Variants in RUNX2 observed in about 807,000 individuals in gnomAD.
The protein encoded by RUNX2 is RUNX family transcription factor 2, also known as runt-related transcription factor 2.
A neutral mutation model predicts 51.7 loss-of-function variants in RUNX2; 10 were observed. The ratio of observed to expected loss-of-function variants is 0.19; its 90% CI spans 0.12 to 0.33. The LOEUF is 0.33. Among genes scored for constraint, RUNX2 ranks in the 10% least tolerant of loss-of-function variants. The probability of loss-of-function intolerance (pLI) is 1.00; values close to 1 mark genes in which losing one functional copy is unlikely to be tolerated. For synonymous variants in RUNX2, 276 were observed against 273.6 expected, an observed-to-expected ratio of 1.01 and a Z score of -0.09; for missense variants, 562 against 691.3, an observed-to-expected ratio of 0.81 and a Z score of 2.10.
chr6:45,395,512 C>T (rs1248529204), intron 2 of RUNX2, among the ~76,000 whole-genome samples: 1 of 152,038 alleles, frequency 6.6e-6, no homozygotes, highest in Non-Finnish European at 1.5e-5. Context: ...CTTCCTAAAA[C>T]ATAAGAAGAG....
chr6:45,413,893 T>A (rs1426829870), intron 2 of RUNX2, among the ~76,000 whole-genome samples: 1 of 152,140 alleles, frequency 6.6e-6, no homozygotes, highest in Non-Finnish European at 1.5e-5. Flanking sequence ...CAGGATGAGA[T>A]GAAATGATGG....
At position 45,485,695 on chromosome 6, in the gene RUNX2, GTGTATA is replaced by G. The variant is rs1342069411; in HGVS notation, c.686-6244_686-6239del. Among the ~76,000 whole-genome samples the G allele has an allele frequency of 1.9e-5, 2 of 107,094 alleles. 1 individual carries two copies. Among genetic ancestry groups the G allele is most frequent in the East Asian group, 6.2e-4 (2 of 3,206 alleles). The allele number at this position is 107,094 out of a possible 152,430, so 70.3% of individuals were successfully genotyped here. On this transcript the variant is annotated intron_variant, in intron 5 of 8. Coordinates refer to ENST00000647337, the MANE Select transcript of RUNX2 (RefSeq NM_001024630.4). The stretch of plus-strand genomic sequence containing the variant: ...TGTATGTGTGTGTGTGTGTGTGTGT[GTGTATA>G]TATATATATATATATACACATATTT...
At chr6:45,376,750 G>C (rs967015950) in intron 2 of RUNX2, among the ~76,000 whole-genome samples, 1 of 152,170 alleles carries the variant, frequency 6.6e-6, no homozygotes, top group Admixed American at 6.5e-5. Context: ...AATTCCCCAA[G>C]TTTTGTCCTT....
chr6:45,333,763 G>GA (rs1440167431), intron 2 of RUNX2, among the ~76,000 whole-genome samples: 1 of 151,180 alleles, frequency 6.6e-6, no homozygotes, highest in Admixed American at 6.6e-5. Context: ...TACATGAAGA[G>GA]AAAAAAATTG....
chr6:45,530,681 A>G (rs1330682362), intron 7 of RUNX2, among the ~76,000 whole-genome samples: 1 of 152,222 alleles, frequency 6.6e-6, no homozygotes, highest in Non-Finnish European at 1.5e-5. Context: ...AGGAGGAGGC[A>G]TCTTAGGAGG....
Position 45,547,430 on chromosome 6 carries a change from G to A in RUNX2, c.*125G>A. 1.2e-6 allele frequency: 1 copy of A among 842,038 alleles called. No individual in the cohort carries two copies. Among genetic ancestry groups the A allele is most frequent in the South Asian group, 1.4e-5 (1 of 69,292 alleles). 52.2% of individuals were successfully genotyped at this position (842,038 alleles called of 1,614,324 possible). Reference sequence around the variant, plus strand: ...CTATCTACAAAGTGCCTATTTTTTAGAAGATTTTTCATTCACTCACTCAGT... The same window carrying A: ...CTATCTACAAAGTGCCTATTTTTTAAAAGATTTTTCATTCACTCACTCAGT... On this transcript the variant is annotated 3_prime_UTR_variant, in exon 9 of 9. Coordinates refer to ENST00000647337, the MANE Select transcript of RUNX2 (RefSeq NM_001024630.4).
At chr6:45,529,561 G>A (rs1801778155) in intron 7 of RUNX2, among the ~76,000 whole-genome samples, 1 of 152,084 alleles carries the variant, frequency 6.6e-6, no homozygotes, top group South Asian at 2.1e-4. Flanking sequence ...ACAGCCCATT[G>A]AGGGAAACGG....
chr6:45,376,797 C>T (rs1466605659), intron 2 of RUNX2, among the ~76,000 whole-genome samples: 2 of 152,206 alleles, frequency 1.3e-5, no homozygotes, highest in Non-Finnish European at 2.9e-5. Context: ...AATTCCTCTT[C>T]CAGAGTCTGC....
chr6:45,339,797 A>C (rs1267148779), intron 2 of RUNX2, among the ~76,000 whole-genome samples: 1 of 152,188 alleles, frequency 6.6e-6, no homozygotes, highest in Non-Finnish European at 1.5e-5. Context: ...ATTTTGAAAA[A>C]TCAATGTAAC....
chr6:45,349,206 T>G (rs928754802), intron 2 of RUNX2, among the ~76,000 whole-genome samples: 5 of 152,196 alleles, frequency 3.3e-5, no homozygotes, highest in Admixed American at 3.3e-4. Flanking sequence ...TCAGTCTACT[T>G]CTACATATTT....
At chr6:45,390,207 AATAATGTCAATG>A (rs1797441842) in intron 2 of RUNX2, among the ~76,000 whole-genome samples, 1 of 152,082 alleles carries the variant, frequency 6.6e-6, no homozygotes, top group African/African-American at 2.4e-5. Flanking sequence ...GTAATGTGAT[AATAATGTCAATG>A]ATAATGTCAA....
intron 5 of RUNX2, among the ~76,000 whole-genome samples, chr6:45,454,076 A>G (rs1167662708): frequency 1.3e-5 from 2 of 152,154 alleles, no homozygotes; most frequent in Non-Finnish European, 2.9e-5. Flanking sequence ...TTCATTCTAG[A>G]TTGTGTTGGA....
chr6:45,395,292 CT>C (rs1797557763), intron 2 of RUNX2, among the ~76,000 whole-genome samples: 1 of 152,194 alleles, frequency 6.6e-6, no homozygotes, highest in Non-Finnish European at 1.5e-5. Flanking sequence ...TGGAAGTCCA[CT>C]TCAGTCTCAT....
intron 2 of RUNX2, among the ~76,000 whole-genome samples, chr6:45,396,368 A>T (rs1797582015): frequency 6.6e-6 from 1 of 152,176 alleles, no homozygotes; most frequent in Admixed American, 6.5e-5. Flanking sequence ...CAGTTTTAGA[A>T]GGTTTGCATC....
At position 45,494,879 on chromosome 6, in the gene RUNX2, C is replaced by T. The variant is rs58586199; in HGVS notation, c.859+2765C>T. 5.1e-3 allele frequency among the ~76,000 whole-genome samples: 782 copies of T among 152,306 alleles called. 7 individuals carry two copies. The highest frequency in any genetic ancestry group is 0.018 in the African/African-American group (733 of 41,562). ...AGGTAATATGGAGAGAGAAGAAAAG[C>T]GCTGTTCTTAGTTGTAGTTGAAGAG... On this transcript the variant is annotated intron_variant, in intron 6 of 8. Transcript: ENST00000647337.
At chr6:45,490,864 A>G (rs1004088608) in intron 5 of RUNX2, among the ~76,000 whole-genome samples, 2 of 152,134 alleles carry the variant, frequency 1.3e-5, no homozygotes, top group African/African-American at 4.8e-5. Context: ...CTAGGGCCTC[A>G]CTGGCACAGA....
intron 2 of RUNX2, among the ~76,000 whole-genome samples, chr6:45,420,128 C>T (rs1192792098): frequency 6.6e-6 from 1 of 152,178 alleles, no homozygotes; most frequent in Non-Finnish European, 1.5e-5. Context: ...GCACACCTGG[C>T]TACCCCGCAC....
At chr6:45,474,582 A>G (rs1799901434) in intron 5 of RUNX2, among the ~76,000 whole-genome samples, 1 of 151,982 alleles carries the variant, frequency 6.6e-6, no homozygotes, top group Non-Finnish European at 1.5e-5. Context: ...GAGTCTGTAG[A>G]GTTTAGTCTG....
At chr6:45,416,730 C>T (rs75205636) in intron 2 of RUNX2, among the ~76,000 whole-genome samples, 1 of 152,044 alleles carries the variant, frequency 6.6e-6, no homozygotes, top group East Asian at 1.9e-4. Context: ...ACTAGGGTGT[C>T]GTTTAGTAAG....
Sources: allele counts gnomAD v4.1 joint callset (sites outside exome capture counted in the v4.1 genomes callset), GRCh38; gene constraint gnomAD v4.1.1; transcripts MANE v1.5; gene names NCBI Gene and HGNC (gene_info 2026-07-23, HGNC 2026-07-21).